The following ANKRD36B variants were observed in gnomAD, a reference collection of about 807,000 sequenced individuals.
ANKRD36B encodes ankyrin repeat domain 36B, also known as ankyrin repeat domain-containing protein 36B.
ANKRD36B carries 37 observed loss-of-function variants against 135.7 expected under a neutral mutation model. The observed-to-expected ratio is 0.27, with a 90% CI of 0.21 to 0.36. The LOEUF is 0.36. Among genes scored for constraint, ANKRD36B ranks in the 10% least tolerant of loss-of-function variants. The pLI is 1.00. For missense variants in ANKRD36B, 549 were observed against 1,037.1 expected, an observed-to-expected ratio of 0.53 and a Z score of 6.46; for synonymous variants, 179 against 348.1, an observed-to-expected ratio of 0.51 and a Z score of 5.41.
At chr2:97,562,391 C>T (rs1257507666) in intron 6 of ANKRD36B, among the ~76,000 whole-genome samples, 1 of 151,876 alleles carries the variant, frequency 6.6e-6, no homozygotes, top group South Asian at 2.1e-4. Flanking sequence ...TACAAAATAA[C>T]TACCTCAGCA....
chr2:97,530,239 G>A (rs1342808233), intron 35 of ANKRD36B, among the ~76,000 whole-genome samples: 1 of 95,644 alleles, frequency 1.0e-5, no homozygotes, highest in Non-Finnish European at 2.8e-5. Context: ...AGAGCCATCA[G>A]AAATAATGCC....
In ANKRD36B at chr2:97,532,550, G is replaced by A. The variant is rs1322693887; in HGVS notation, c.2192-166C>T. ...ATCCTGGCTAACAAGGTGAAACCTC[G>A]TCTCTACTAAAAAATACAAAAAATT... is the stretch of plus-strand genomic sequence containing the variant. On this transcript the variant is annotated intron_variant, in intron 34 of 43. Coordinates refer to ENST00000359901, the MANE Select transcript of ANKRD36B (RefSeq NM_001393939.1). Among the ~76,000 whole-genome samples, 4 of 95,284 alleles carry A rather than the reference G, an allele frequency of 4.2e-5. 1 individual carries two copies. Among genetic ancestry groups the A allele is most frequent in the Admixed American group, 2.8e-4 (3 of 10,768 alleles). 62.5% of individuals were successfully genotyped at this position (95,284 alleles called of 152,430 possible).
At chr2:97,560,462 G>A (rs1332902513) in intron 8 of ANKRD36B, among the ~76,000 whole-genome samples, 1 of 151,808 alleles carries the variant, frequency 6.6e-6, no homozygotes, top group Non-Finnish European at 1.5e-5. Context: ...TTCAATGTAA[G>A]GAAGCCTACA....
chr2:97,552,588 T>C (rs2080163265), intron 16 of ANKRD36B, among the ~76,000 whole-genome samples: 1 of 151,938 alleles, frequency 6.6e-6, no homozygotes, highest in South Asian at 2.1e-4. Context: ...TCTAATATTT[T>C]TTAAGGACAT....
At chr2:97,546,043 G>C (rs1162111382) in intron 22 of ANKRD36B, among the ~76,000 whole-genome samples, 182 bp from the exon 23 acceptor site, 4 of 151,506 alleles carry the variant, frequency 2.6e-5, no homozygotes, top group East Asian at 3.9e-4. Flanking sequence ...GGGAATACAG[G>C]CTCCATGAAA....
chr2:97,551,156 T>A lies in ANKRD36B; in HGVS notation c.1375+133A>T, dbSNP rs1266585869. ...AGCAGTATCAGCATAACCCAAGAAC[T>A]TATTAGAAATGAAGAATCTCAGGCC... On this transcript the variant is annotated intron_variant, in intron 18 of 43. Transcript: ENST00000359901. 4 of 1,275,110 alleles carry A rather than the reference T, an allele frequency of 3.1e-6. No individual in the cohort carries two copies. In the East Asian group the frequency reaches 7.6e-5, roughly 24 times the overall value. The allele number at this position is 1,275,110 out of a possible 1,614,324, so 79.0% of individuals were successfully genotyped here.
intron 22 of ANKRD36B, 175 bp downstream of exon 22, chr2:97,547,361 T>C (rs2079565341): frequency 3.9e-6 from 3 of 775,170 alleles, no homozygotes; most frequent in East Asian, 5.7e-5. Context: ...ACTGCGAAGA[T>C]CATGTTCCAG....
intron 3 of ANKRD36B, among the ~76,000 whole-genome samples, chr2:97,582,868 A>G (rs1363517342): frequency 6.6e-6 from 1 of 152,056 alleles, no homozygotes; most frequent in East Asian, 1.9e-4. Flanking sequence ...TTTATAATTT[A>G]TGTTTAATTT....
In ANKRD36B at chr2:97,589,558, T is replaced by C. The variant is rs2083276567; in HGVS notation, c.128A>G (p.Tyr43Cys). 1 of 1,609,304 alleles carries C rather than the reference T, an allele frequency of 6.2e-7. No homozygotes were observed. The change falls in exon 1 of 44, where the codon TAT becomes TGT. Residue 43 changes from tyrosine (Y) to cysteine (C), a missense_variant. Coordinates refer to ENST00000359901, the MANE Select transcript of ANKRD36B (RefSeq NM_001393939.1). ...LEKLKYLLLT[Y>C]YDANKRDRKE... ...CCTGTCTCTCTTATTGGCGTCATAATACGTGAGCAGAAGGTACTTCAGTTT... is the reference window on the plus strand; with the variant it reads ...CCTGTCTCTCTTATTGGCGTCATAACACGTGAGCAGAAGGTACTTCAGTTT...
At chr2:97,516,233 T>C (rs1341343520) in intron 36 of ANKRD36B, among the ~76,000 whole-genome samples, 14 of 45,442 alleles carry the variant, frequency 3.1e-4, no homozygotes, top group Admixed American at 1.8e-3. Context: ...TGTGATTGCA[T>C]AAGATAATTT....
chr2:97,585,996 A>G (rs2082953857), intron 1 of ANKRD36B, among the ~76,000 whole-genome samples: 1 of 152,194 alleles, frequency 6.6e-6, no homozygotes, highest in South Asian at 2.1e-4. Context: ...ATTATTTATT[A>G]CATTTATAAC....
chr2:97,566,560 T>C (rs973445176), intron 6 of ANKRD36B, among the ~76,000 whole-genome samples: 2 of 152,138 alleles, frequency 1.3e-5, no homozygotes, highest in East Asian at 1.9e-4. Context: ...CAAAGAAGAA[T>C]ATATTATCAA....
chr2:97,586,872 A>G (rs1246225094), intron 1 of ANKRD36B, among the ~76,000 whole-genome samples: 1 of 152,158 alleles, frequency 6.6e-6, no homozygotes, highest in Non-Finnish European at 1.5e-5. Flanking sequence ...AGATACCAAT[A>G]AACAAAAAAA....
At chr2:97,567,454 T>G (rs578043435) in intron 6 of ANKRD36B, among the ~76,000 whole-genome samples, 2 of 152,110 alleles carry the variant, frequency 1.3e-5, no homozygotes, top group East Asian at 3.9e-4. Flanking sequence ...AGCCCCACCC[T>G]GAAGCCATCT....
intron 6 of ANKRD36B, among the ~76,000 whole-genome samples, chr2:97,565,345 C>T (rs1428402556): frequency 6.6e-6 from 1 of 151,748 alleles, no homozygotes; most frequent in Non-Finnish European, 1.5e-5. Flanking sequence ...ATTTGAATAC[C>T]GTTTATTTCT....
At chr2:97,546,188 G>A (rs549329059) in intron 22 of ANKRD36B, among the ~76,000 whole-genome samples, 2 of 151,700 alleles carry the variant, frequency 1.3e-5, no homozygotes, top group African/African-American at 4.8e-5. Context: ...ACTCATACAC[G>A]TGAGAATCAA....
rs2078889131 is a variant in ANKRD36B at position 97,536,341 on chromosome 2, T to C, written c.2150A>G (p.Asn717Ser). 1 of 944,712 alleles carries C rather than the reference T, an allele frequency of 1.1e-6. No individual in the cohort carries two copies. The highest frequency in any genetic ancestry group is 1.7e-5 in the African/African-American group (1 of 59,940). The allele number at this position is 944,712 out of a possible 1,614,324, so 58.5% of individuals were successfully genotyped here. Residue 717 changes from asparagine (N) to serine (S), a missense_variant, in exon 34 of 44, where the codon AAT becomes AGT. By Grantham distance (46) the Asn-to-Ser change is conservative. Transcript: ENST00000359901. ...TACCTCCTTCATTTTGGTGGCTGTA[T>C]TCAGAACAGAATCTTTATTTTCAAT... ...ATIENKDSVL[N>S]TATKMKEVQT...
chr2:97,539,105 C>A (rs2079028080), intron 30 of ANKRD36B, among the ~76,000 whole-genome samples: 1 of 96,630 alleles, frequency 1.0e-5, no homozygotes, highest in South Asian at 2.3e-4. Flanking sequence ...AAAGTTGCTA[C>A]AAGCATTAGA....
At chr2:97,530,004 C>T (rs2078477969) in intron 35 of ANKRD36B, among the ~76,000 whole-genome samples, 1 of 95,440 alleles carries the variant, frequency 1.0e-5, no homozygotes, top group Admixed American at 9.3e-5. Context: ...GAATCAGTGC[C>T]ATCCCCATCA....
Sources: gnomAD v4.1 joint callset for allele counts (sites outside exome capture counted in the v4.1 genomes callset) on GRCh38, gnomAD v4.1.1 for gene constraint, MANE v1.5 for transcripts, NCBI Gene and HGNC (gene_info 2026-07-23, HGNC 2026-07-21) for gene names.